The following DPYD variants were observed in gnomAD, a reference collection of about 807,000 sequenced individuals.
The protein encoded by DPYD is dihydropyrimidine dehydrogenase.
Under a neutral mutation model 116.2 loss-of-function variants are expected in DPYD, and 109 were observed. The observed-to-expected ratio is 0.94, with a 90% CI of 0.80 to 1.10. The LOEUF is 1.10. DPYD is among the 50% of genes least tolerant of loss of function. DPYD has a pLI of 0.00. For missense variants in DPYD, 1,302 were observed against 1,254.5 expected (o/e 1.04, Z -0.57); for synonymous variants, 440 against 432.0 (o/e 1.02, Z -0.23).
At position 97,515,647 on chromosome 1, in the gene DPYD, A is replaced by G; in HGVS notation, c.1740+79T>C. On this transcript the variant is annotated intron_variant, in intron 13 of 22. Transcript: ENST00000370192. ...TTAATAAGTAGTATTTCTTAGTAAA[A>G]AAAATCCATTATAATGTTTATACCT... The G allele has an allele frequency of 2.3e-6, 3 of 1,307,880 alleles. 1 individual carries two copies. The South Asian group carries it at 4.0e-5, about 17-fold the overall frequency. The allele number at this position is 1,307,880 out of a possible 1,614,324, so 81.0% of individuals were successfully genotyped here.
At chr1:97,722,547 C>G (rs1348387080) in intron 4 of DPYD, among the ~76,000 whole-genome samples, 2 of 151,428 alleles carry the variant, frequency 1.3e-5, no homozygotes, top group Non-Finnish European at 3.0e-5. Flanking sequence ...TAAAACTGCT[C>G]TAAAATACAT....
intron 20 of DPYD, among the ~76,000 whole-genome samples, chr1:97,169,118 G>A (rs911748634): frequency 3.7e-4 from 56 of 152,172 alleles, no homozygotes; most frequent in African/African-American, 1.3e-3. Context: ...AAAGTGTTGG[G>A]ATTACAGGCA....
intron 12 of DPYD, among the ~76,000 whole-genome samples, chr1:97,516,959 C>T (rs1227546588): frequency 6.6e-6 from 1 of 152,042 alleles, no homozygotes; most frequent in Non-Finnish European, 1.5e-5. Context: ...AATCCATTCT[C>T]TTGTGAATCA....
chr1:97,147,400 G>T (rs140898317), intron 20 of DPYD, among the ~76,000 whole-genome samples: 1 of 152,060 alleles, frequency 6.6e-6, no homozygotes, highest in Non-Finnish European at 1.5e-5. Context: ...GGCAAAATAG[G>T]TTGCAGGGAG....
chr1:97,574,260 T>G (rs1570985066), intron 10 of DPYD, among the ~76,000 whole-genome samples: 1 of 152,170 alleles, frequency 6.6e-6, no homozygotes, highest in East Asian at 1.9e-4. Context: ...GTGAGGTTTC[T>G]GACCATAGTA....
At chr1:97,204,977 T>C (rs1659490454) in intron 19 of DPYD, among the ~76,000 whole-genome samples, 1 of 151,962 alleles carries the variant, frequency 6.6e-6, no homozygotes, top group Non-Finnish European at 1.5e-5. Flanking sequence ...GGCCTCCAAC[T>C]TTAAAAAAAA....
intron 20 of DPYD, among the ~76,000 whole-genome samples, chr1:97,165,306 C>CT (rs760823458): frequency 4.7e-4 from 71 of 152,108 alleles, no homozygotes; most frequent in Admixed American, 1.9e-3. Context: ...ATCAACAAAG[C>CT]TGACAAAAAC....
intron 14 of DPYD, among the ~76,000 whole-genome samples, chr1:97,420,635 G>A (rs1030065480): frequency 3.9e-5 from 6 of 151,980 alleles, no homozygotes; most frequent in Admixed American, 6.6e-5. Context: ...GGGCTCCTGC[G>A]GTCTAGGGAT....
Position 97,920,914 on chromosome 1 carries a change from A to T in DPYD, c.9T>A (p.Pro3=), listed in dbSNP as rs1674486866. MA[P]VLSKDSADIE... ...TGTCCGCCGAGTCCTTACTGAGCAC[A>T]GGGGCCATGGCAGTGCCTACAGTCT... is the stretch of plus-strand genomic sequence containing the variant. Residue 3 remains proline (P), a synonymous_variant, in exon 1 of 23, where the codon CCT becomes CCA. Coordinates refer to ENST00000370192, the MANE Select transcript of DPYD (RefSeq NM_000110.4). 4 of 1,591,470 alleles carry T rather than the reference A, an allele frequency of 2.5e-6. No homozygotes were observed. The highest frequency in any genetic ancestry group is 1.3e-5 in the African/African-American group (1 of 74,160).
chr1:97,616,996 C>A (rs1656324517), intron 8 of DPYD, among the ~76,000 whole-genome samples: 1 of 152,074 alleles, frequency 6.6e-6, no homozygotes, highest in South Asian at 2.1e-4. Context: ...AGTGATTCTA[C>A]TGCAAGACCA....
intron 12 of DPYD, among the ~76,000 whole-genome samples, chr1:97,541,987 ATAT>A (rs1395909541): frequency 1.3e-5 from 2 of 152,216 alleles, no homozygotes; most frequent in African/African-American, 4.8e-5. Context: ...AGTAAATTTA[ATAT>A]TATAACAGAA....
chr1:97,438,081 A>T lies in DPYD; in HGVS notation c.1905+11978T>A, dbSNP rs528134446. ...TTTGTAGGACTTACTATTCTGCCACATTAATCTATTTGCCTATCTTTATGC... is the reference window on the plus strand; with the variant it reads ...TTTGTAGGACTTACTATTCTGCCACTTTAATCTATTTGCCTATCTTTATGC... On this transcript the variant is annotated intron_variant, in intron 14 of 22. Transcript: ENST00000370192. 3.9e-5 allele frequency among the ~76,000 whole-genome samples: 6 copies of T among 152,166 alleles called. No homozygotes were observed. The South Asian group carries it at 1.2e-3, about 32-fold the overall frequency.
intron 1 of DPYD, among the ~76,000 whole-genome samples, chr1:97,894,971 T>C (rs1170850488): frequency 6.6e-6 from 1 of 151,784 alleles, no homozygotes; most frequent in African/African-American, 2.4e-5. Context: ...TATGTATAAA[T>C]TTATACAAAA....
intron 10 of DPYD, among the ~76,000 whole-genome samples, chr1:97,590,018 C>A (rs993270413): frequency 4.6e-5 from 7 of 152,166 alleles, no homozygotes; most frequent in Admixed American, 2.6e-4. Flanking sequence ...CCTAACCTTT[C>A]AAAACCTGTA....
chr1:97,406,142 T>A (rs1673642842), intron 14 of DPYD, among the ~76,000 whole-genome samples: 1 of 152,022 alleles, frequency 6.6e-6, no homozygotes, highest in Admixed American at 6.6e-5. Context: ...TTTCCGCTAG[T>A]GAGTCTCTGC....
intron 8 of DPYD, among the ~76,000 whole-genome samples, chr1:97,637,506 C>G (rs1033597840): frequency 6.6e-6 from 1 of 150,588 alleles, no homozygotes; most frequent in South Asian, 2.1e-4. Context: ...TTTTCCCCCC[C>G]TCAACAACAC....
intron 13 of DPYD, among the ~76,000 whole-genome samples, chr1:97,450,931 G>A (rs1428266813): frequency 2.6e-5 from 4 of 151,686 alleles, no homozygotes; most frequent in Admixed American, 6.6e-5. Flanking sequence ...CTGTATTAAC[G>A]AAGAAGAATA....
chr1:97,833,290 A>G (rs1669621284), intron 2 of DPYD, among the ~76,000 whole-genome samples: 1 of 152,148 alleles, frequency 6.6e-6, no homozygotes, highest in Admixed American at 6.5e-5. Context: ...CAGAAAAAAA[A>G]ATCTTGAAAA....
intron 20 of DPYD, among the ~76,000 whole-genome samples, chr1:97,154,197 C>T (rs1344585649): frequency 6.6e-6 from 1 of 152,106 alleles, no homozygotes; most frequent in Non-Finnish European, 1.5e-5. Flanking sequence ...CTTGCACAAC[C>T]ATGTTTATAG....
Sources: gnomAD v4.1 joint callset for allele counts (sites outside exome capture counted in the v4.1 genomes callset) on GRCh38, gnomAD v4.1.1 for gene constraint, MANE v1.5 for transcripts, NCBI Gene and HGNC (gene_info 2026-07-23, HGNC 2026-07-21) for gene names.